Variants in TGFB2 observed in about 807,000 individuals in gnomAD.
TGFB2 encodes transforming growth factor beta 2, also known as transforming growth factor beta-2 proprotein.
A neutral mutation model predicts 42.7 loss-of-function variants in TGFB2; 13 were observed. The observed-to-expected ratio is 0.30, with a 90% CI of 0.20 to 0.48. The LOEUF (loss-of-function observed/expected upper bound fraction) is 0.48. Among genes scored for constraint, TGFB2 ranks in the 20% least tolerant of loss-of-function variants. The probability of loss-of-function intolerance (pLI) is 0.99; values close to 1 mark genes in which losing one functional copy is unlikely to be tolerated. For missense variants in TGFB2, 390 were observed against 517.5 expected, an observed-to-expected ratio of 0.75 and a Z score of 2.39; for synonymous variants, 193 against 193.6, an observed-to-expected ratio of 1.00 and a Z score of 0.03.
chr1:218,394,257 A>G lies in TGFB2; in HGVS notation c.347-10912A>G, dbSNP rs138884384. Among the ~76,000 whole-genome samples, 235 of 152,132 alleles carry G rather than the reference A, an allele frequency of 1.5e-3. 2 individuals are homozygous for G. Among genetic ancestry groups the G allele is most frequent in the Middle Eastern group, 0.01 (3 of 294 alleles). The stretch of plus-strand genomic sequence containing the variant: ...AGTTGGCCTGCCCTTTCAGCACCCA[A>G]TGCTTTTACTGCTAACACCCAGTAC... On this transcript the variant is annotated intron_variant, in intron 1 of 6. Coordinates refer to ENST00000366930, the MANE Select transcript of TGFB2 (RefSeq NM_003238.6).
In TGFB2 at chr1:218,427,857, G is replaced by A. The variant is rs533534080; in HGVS notation, c.511-6225G>A. Among the ~76,000 whole-genome samples, 14 of 152,290 alleles carry A rather than the reference G, an allele frequency of 9.2e-5. 1 individual carries two copies. The South Asian group carries it at 2.9e-3, about 32-fold the overall frequency. Reference sequence around the variant, plus strand: ...CCTTTGGGTATATACCCAGTAATGGGATGGCTGGGTCAAATGGTATTTCTA... The same window carrying A: ...CCTTTGGGTATATACCCAGTAATGGAATGGCTGGGTCAAATGGTATTTCTA... On this transcript the variant is annotated intron_variant, in intron 2 of 6. Coordinates refer to ENST00000366930, the MANE Select transcript of TGFB2 (RefSeq NM_003238.6).
rs1308057092 is a variant in TGFB2 at position 218,442,781 on chromosome 1, G to C, written c.*1419G>C. ...ACAAATTTTTATGTTAGGAAAAGGA[G>C]GAATGTTATAGATACATAGAAAATT... On this transcript the variant is annotated 3_prime_UTR_variant, in exon 7 of 7. Coordinates refer to ENST00000366930, the MANE Select transcript of TGFB2 (RefSeq NM_003238.6). 1 of 151,856 alleles carries C rather than the reference G, an allele frequency of 6.6e-6. No homozygotes were observed. The highest frequency in any genetic ancestry group is 2.4e-5 in the African/African-American group (1 of 41,336). 9.4% of individuals were successfully genotyped at this position (151,856 alleles called of 1,614,324 possible).
At chr1:218,403,915 C>T (rs911517969) in intron 1 of TGFB2, among the ~76,000 whole-genome samples, 1 of 152,064 alleles carries the variant, frequency 6.6e-6, no homozygotes. Context: ...ATTGTAGAAA[C>T]ATACCTGTAA....
intron 2 of TGFB2, among the ~76,000 whole-genome samples, chr1:218,426,115 C>G (rs868075695): frequency 6.6e-6 from 1 of 152,220 alleles, no homozygotes; most frequent in South Asian, 2.1e-4. Context: ...CAATTTTTCT[C>G]TACAGCACTA....
In TGFB2 at chr1:218,346,914, C is replaced by T. The variant is rs766024374; in HGVS notation, c.213C>T (p.Tyr71=). The change falls in exon 1 of 7, where the codon TAC becomes TAT. Residue 71 remains tyrosine (Y), a synonymous_variant. Coordinates refer to ENST00000366930, the MANE Select transcript of TGFB2 (RefSeq NM_003238.6). The surrounding 1 kb of genome is among the most constrained non-coding windows in gnomAD (Gnocchi z 4.9). ...EEVPPEVISI[Y]NSTRDLLQEK... ...TCCCCCCGGAGGTGATTTCCATCTA[C>T]AACAGCACCAGGGACTTGCTCCAGG... is the stretch of plus-strand genomic sequence containing the variant. The T allele has an allele frequency of 1.9e-6, 3 of 1,614,212 alleles. No individual in the cohort carries two copies. In the South Asian group the frequency reaches 3.3e-5, roughly 18 times the overall value.
intron 1 of TGFB2, among the ~76,000 whole-genome samples, chr1:218,364,203 T>C (rs1188872200): frequency 6.6e-6 from 1 of 152,142 alleles, no homozygotes; most frequent in African/African-American, 2.4e-5. Context: ...AAATGGATCG[T>C]CATGGGTCAG....
intron 1 of TGFB2, among the ~76,000 whole-genome samples, chr1:218,369,214 C>T (rs1299555389): frequency 1.5e-5 from 2 of 133,030 alleles, no homozygotes; most frequent in Non-Finnish European, 3.1e-5. Context: ...GAGATCGTGC[C>T]TCTTCACTCC....
At chr1:218,363,483 G>A in intron 1 of TGFB2, 1 of 1,495,378 alleles carries the variant, frequency 6.7e-7, no homozygotes, top group Non-Finnish European at 9.3e-7. Flanking sequence ...TTTAGTGTTT[G>A]TCTCCTGTGG....
rs561317652 is a variant in TGFB2, at chr1:218,366,360, G to A, written c.346+19313G>A. 4.6e-5 allele frequency among the ~76,000 whole-genome samples: 7 copies of A among 152,210 alleles called. No individual in the cohort carries two copies. In the South Asian group the frequency reaches 1.5e-3, roughly 32 times the overall value. On this transcript the variant is annotated intron_variant, in intron 1 of 6. Transcript: ENST00000366930. Reference sequence around the variant, plus strand: ...GTCTCTCTGTTGTCCAGGCTGGAGTGTGGTAGCATGATCATAGCTCACTGT... The same window carrying A: ...GTCTCTCTGTTGTCCAGGCTGGAGTATGGTAGCATGATCATAGCTCACTGT...
rs370213066 is a variant in TGFB2 at position 218,355,653 on chromosome 1, C to T, written c.346+8606C>T. 7.9e-5 allele frequency among the ~76,000 whole-genome samples: 12 copies of T among 152,260 alleles called. No individual in the cohort carries two copies. The East Asian group carries it at 2.1e-3, about 27-fold the overall frequency. ...TTTCTTCATTTGTAAAGAAGAACAT[C>T]GACTTTCTAGGGGTTGTAAAGGATG... On this transcript the variant is annotated intron_variant, in intron 1 of 6. Coordinates refer to ENST00000366930, the MANE Select transcript of TGFB2 (RefSeq NM_003238.6).
chr1:218,437,219 C>A, intron 5 of TGFB2, 124 bp from the exon 6 acceptor site: 2 of 963,174 alleles, frequency 2.1e-6, no homozygotes, highest in South Asian at 1.8e-5. Flanking sequence ...ATGATATTTG[C>A]TCATTAGATG....
At chr1:218,410,278 A>G (rs1241262335) in intron 2 of TGFB2, among the ~76,000 whole-genome samples, 1 of 152,158 alleles carries the variant, frequency 6.6e-6, no homozygotes, top group Non-Finnish European at 1.5e-5. Context: ...TCTATACATG[A>G]GTTCAGGGTT....
At chr1:218,411,125 C>T (rs573138950) in intron 2 of TGFB2, among the ~76,000 whole-genome samples, 31 of 152,302 alleles carry the variant, frequency 2.0e-4, no homozygotes, top group African/African-American at 6.7e-4. Flanking sequence ...TTCTCACCAA[C>T]TCACACCCTT....
chr1:218,356,909 G>A (rs1304717818), intron 1 of TGFB2, among the ~76,000 whole-genome samples: 1 of 152,200 alleles, frequency 6.6e-6, no homozygotes, highest in African/African-American at 2.4e-5. Flanking sequence ...TGACATTACG[G>A]TGTAGAAATC....
intron 1 of TGFB2, among the ~76,000 whole-genome samples, chr1:218,394,719 C>T (rs556142293): frequency 2.6e-5 from 4 of 152,200 alleles, no homozygotes; most frequent in South Asian, 2.1e-4. Flanking sequence ...CAGAAACCAC[C>T]GCTGATGCGC....
chr1:218,377,564 T>C (rs1657783732), intron 1 of TGFB2, among the ~76,000 whole-genome samples: 1 of 152,168 alleles, frequency 6.6e-6, no homozygotes, highest in South Asian at 2.1e-4. Context: ...TCATTCAATG[T>C]AGTCCTCCTC....
At chr1:218,416,013 C>A (rs879496745) in intron 2 of TGFB2, among the ~76,000 whole-genome samples, 2 of 152,114 alleles carry the variant, frequency 1.3e-5, no homozygotes, top group Non-Finnish European at 2.9e-5. Context: ...TGGATGTGGT[C>A]TGATCTGTTT....
chr1:218,427,046 C>T (rs540362484), intron 2 of TGFB2, among the ~76,000 whole-genome samples: 20 of 152,096 alleles, frequency 1.3e-4, no homozygotes, highest in African/African-American at 3.9e-4. Flanking sequence ...AACTTTTTAT[C>T]GTATTATTTC....
intron 1 of TGFB2, among the ~76,000 whole-genome samples, chr1:218,368,288 GCA>G (rs1657452948): frequency 6.6e-6 from 1 of 152,054 alleles, no homozygotes; most frequent in Non-Finnish European, 1.5e-5. Context: ...GGGATTACAG[GCA>G]CACACCACCA....
Sources: gnomAD v4.1 joint callset for allele counts (sites outside exome capture counted in the v4.1 genomes callset) on GRCh38, gnomAD v4.1.1 for gene constraint, Gnocchi (gnomAD v3.1) non-coding constraint, MANE v1.5 for transcripts, NCBI Gene and HGNC (gene_info 2026-07-23, HGNC 2026-07-21) for gene names.